RASA1: variants seen among roughly 807,000 people sequenced by gnomAD.
RASA1 encodes the protein ras GTPase-activating protein 1.
RASA1 carries 25 observed loss-of-function variants against 132.2 expected under a neutral mutation model. The observed-to-expected ratio is 0.19, with a 90% CI of 0.14 to 0.26. The LOEUF is 0.26. Among genes scored for constraint, RASA1 ranks in the 10% least tolerant of loss-of-function variants. The probability of loss-of-function intolerance (pLI) is 1.00; values close to 1 mark genes in which losing one functional copy is unlikely to be tolerated. For synonymous variants in RASA1, 477 were observed against 449.9 expected (o/e 1.06, Z -0.76); for missense variants, 964 against 1,299.2 (o/e 0.74, Z 3.97).
chr5:87,358,244 A>C (rs1580345266), intron 9 of RASA1, among the ~76,000 whole-genome samples: 2 of 152,176 alleles, frequency 1.3e-5, no homozygotes, highest in East Asian at 3.9e-4. Context: ...CATTAGACAA[A>C]AAGGGTCCTT....
intron 1 of RASA1, among the ~76,000 whole-genome samples, chr5:87,272,074 G>A (rs1021892891): frequency 5.3e-5 from 8 of 151,852 alleles, no homozygotes; most frequent in Non-Finnish European, 1.0e-4. Context: ...GCTTGAACCA[G>A]GGAGGGGGCG....
chr5:87,346,715 C>G lies in RASA1; in HGVS notation c.1093C>G (p.Leu365Val), dbSNP rs1437164204. 6.4e-7 allele frequency: 1 copy of G among 1,550,500 alleles called. No individual in the cohort carries two copies. ...TTCCAAACAGGAAGCTTATAATTTA[C>G]TAATGACAGGTACTTACATATTTAC... Reference protein sequence around the residue: ...KISKQEAYNLLMTVGQVCSFL... With the variant: ...KISKQEAYNLVMTVGQVCSFL... Residue 365 changes from leucine (L) to valine (V), a missense_variant, in exon 7 of 25, where the codon CTA (leucine) becomes GTA (valine). Around this residue, in one of 6 missense-constraint regions of RASA1, gnomAD observed 154 missense variants for 286.5 expected, o/e 0.54. Coordinates refer to ENST00000274376, the MANE Select transcript of RASA1 (RefSeq NM_002890.3).
chr5:87,280,157 C>G (rs980668371), intron 1 of RASA1, among the ~76,000 whole-genome samples: 3 of 152,220 alleles, frequency 2.0e-5, no homozygotes, highest in Non-Finnish European at 2.9e-5. Flanking sequence ...GGGTCTTACT[C>G]TCCTCATTCA....
chr5:87,352,466 T>A (rs1759344356), intron 8 of RASA1, among the ~76,000 whole-genome samples: 2 of 151,880 alleles, frequency 1.3e-5, no homozygotes, highest in African/African-American at 4.8e-5. Context: ...AATAGAATGA[T>A]CTTACTGATT....
chr5:87,380,474 C>T (rs368847240), intron 19 of RASA1, 35 bp from the exon 20 acceptor site: 3 of 1,547,600 alleles, frequency 1.9e-6, no homozygotes, highest in Non-Finnish European at 2.7e-6. Flanking sequence ...TTTTCACTTG[C>T]TTTCTGTGTT....
intron 1 of RASA1, among the ~76,000 whole-genome samples, chr5:87,280,901 G>A (rs1185342317): frequency 2.0e-5 from 3 of 147,714 alleles, no homozygotes; most frequent in Non-Finnish European, 3.0e-5. Context: ...GACTACCGGC[G>A]CCTGCCACCA....
At position 87,268,267 on chromosome 5, in the gene RASA1, C is replaced by T; in HGVS notation, c.-185C>T. On this transcript the variant is annotated 5_prime_UTR_variant, in exon 1 of 25. Transcript: ENST00000274376. ...ACTTGGCTTCCCGTAACCCAGGCAG[C>T]TGGGGAGCCTGGGCTGTGGCCCTAG... The T allele has an allele frequency of 1.1e-6, 1 of 876,186 alleles. No homozygotes were observed. Among genetic ancestry groups the T allele is most frequent in the Non-Finnish European group, 1.7e-6 (1 of 597,116 alleles). 54.3% of individuals were successfully genotyped at this position (876,186 alleles called of 1,614,324 possible). A position where few individuals can be genotyped will look rare whatever the true frequency, so the allele number is the denominator to read the frequency against.
chr5:87,391,014 A>T lies in RASA1; in HGVS notation c.*131A>T. 1 of 919,032 alleles carries T rather than the reference A, an allele frequency of 1.1e-6. No individual in the cohort carries two copies. The allele number at this position is 919,032 out of a possible 1,614,324, so 56.9% of individuals were successfully genotyped here. A position where few individuals can be genotyped will look rare whatever the true frequency, so the allele number is the denominator to read the frequency against. ...CATTCCAGTGATGTGTGAGCTATGC[A>T]AACAAAATCCAAGATTCTGCTGGTG... is the stretch of plus-strand genomic sequence containing the variant. On this transcript the variant is annotated 3_prime_UTR_variant, in exon 25 of 25. Transcript: ENST00000274376.
At chr5:87,305,295 A>G (rs958834642) in intron 1 of RASA1, among the ~76,000 whole-genome samples, 4 of 152,192 alleles carry the variant, frequency 2.6e-5, no homozygotes, top group African/African-American at 7.2e-5. Context: ...TGGTACAAGA[A>G]CAGAGACATA....
chr5:87,321,680 C>T lies in RASA1; in HGVS notation c.540-9668C>T, dbSNP rs976985419. ...TCCCAAATGTAGGAGCCTCTGTTTC[C>T]GTGGAGTTAGGGTATGCCACTCTCC... On this transcript the variant is annotated intron_variant, in intron 1 of 24. Coordinates refer to ENST00000274376, the MANE Select transcript of RASA1 (RefSeq NM_002890.3). 5.3e-5 allele frequency among the ~76,000 whole-genome samples: 8 copies of T among 152,250 alleles called. No individual in the cohort carries two copies. The East Asian group carries it at 5.8e-4, about 11-fold the overall frequency.
chr5:87,366,986 A>G (rs1760573914), intron 11 of RASA1, among the ~76,000 whole-genome samples: 1 of 152,222 alleles, frequency 6.6e-6, no homozygotes, highest in Non-Finnish European at 1.5e-5. Context: ...TGTTGCAGTG[A>G]GCTGACTGTA....
In RASA1 at chr5:87,362,685, T is replaced by C; in HGVS notation, c.1453+14T>C. ...TTCTGAAAAAGGGTAAGTTCAGACT[T>C]TTATCATTAACCCATTTGATAGAGA... is the stretch of plus-strand genomic sequence containing the variant. On this transcript the variant is annotated intron_variant, in intron 10 of 24. Coordinates refer to ENST00000274376, the MANE Select transcript of RASA1 (RefSeq NM_002890.3). The C allele has an allele frequency of 6.2e-7, 1 of 1,601,204 alleles. No homozygotes were observed. The highest frequency in any genetic ancestry group is 2.2e-5 in the East Asian group (1 of 44,642).
intron 23 of RASA1, among the ~76,000 whole-genome samples, chr5:87,388,587 A>G (rs1762232116): frequency 6.6e-6 from 1 of 152,198 alleles, no homozygotes; most frequent in Non-Finnish European, 1.5e-5. Context: ...GTGATATTCA[A>G]CCTATACTAT....
At position 87,376,569 on chromosome 5, in the gene RASA1, T is replaced by C. The variant is rs1434180714; in HGVS notation, c.2184+4T>C. ...AGAGTACAGTGAATTTAAAGAGGTA[T>C]TAAATTATTTATCAGTCTTGTTTTT... On this transcript the variant is annotated splice_donor_region_variant and intron_variant, in intron 16 of 24. Coordinates refer to ENST00000274376, the MANE Select transcript of RASA1 (RefSeq NM_002890.3). The C allele has an allele frequency of 6.2e-7, 1 of 1,611,154 alleles. No individual in the cohort carries two copies. Among genetic ancestry groups the C allele is most frequent in the Non-Finnish European group, 8.5e-7 (1 of 1,177,548 alleles).
intron 11 of RASA1, 113 bp downstream of exon 11, chr5:87,363,617 C>T: frequency 8.3e-7 from 1 of 1,210,654 alleles, no homozygotes; most frequent in South Asian, 1.3e-5. Context: ...GTAGCAGATG[C>T]ACTTTCTAGG....
At chr5:87,311,018 A>G (rs1448629272) in intron 1 of RASA1, among the ~76,000 whole-genome samples, 1 of 152,210 alleles carries the variant, frequency 6.6e-6, no homozygotes, top group Non-Finnish European at 1.5e-5. Flanking sequence ...GTCCTTGAGT[A>G]TATGTCCTTT....
intron 1 of RASA1, chr5:87,299,686 A>G (rs1755276687): frequency 6.6e-6 from 1 of 152,002 alleles, no homozygotes; most frequent in African/African-American, 2.4e-5. Flanking sequence ...AAGAGTGCCT[A>G]AAAAATATGG....
chr5:87,343,329 GATTTGAT>G (rs1277547681), intron 6 of RASA1, among the ~76,000 whole-genome samples: 2 of 152,052 alleles, frequency 1.3e-5, no homozygotes, highest in Non-Finnish European at 2.9e-5. Context: ...CTCCTGCCAG[GATTTGAT>G]ATAACAGTAA....
chr5:87,372,068 A>G, intron 12 of RASA1, 50 bp from the exon 13 acceptor site: 3 of 1,513,092 alleles, frequency 2.0e-6, no homozygotes, highest in Non-Finnish European at 2.7e-6. Flanking sequence ...ATGATTTGGA[A>G]GCCAAATAAA....
Sources: gnomAD v4.1 joint callset for allele counts (sites outside exome capture counted in the v4.1 genomes callset) on GRCh38, gnomAD v4.1.1 for gene constraint, gnomAD v4.1.1 regional missense constraint, MANE v1.5 for transcripts, NCBI Gene and HGNC (gene_info 2026-07-23, HGNC 2026-07-21) for gene names.